Variants in WRNIP1 observed in about 807,000 individuals in gnomAD.
WRNIP1 encodes WRN helicase interacting protein 1, also known as ATPase WRNIP1.
Under a neutral mutation model 56.1 loss-of-function variants are expected in WRNIP1, and 41 were observed. The observed-to-expected ratio is 0.73, with a 90% CI of 0.57 to 0.95. WRNIP1 has a LOEUF of 0.95. WRNIP1 is among the 40% of genes least tolerant of loss of function. The pLI is 0.00. For synonymous variants in WRNIP1, 547 were observed against 398.1 expected (o/e 1.37, Z -4.45); for missense variants, 1,170 against 939.4 (o/e 1.25, Z -3.21).
rs376311350 is a variant in WRNIP1, at chr6:2,776,105, T to A, written c.1257-3158T>A. On this transcript the variant is annotated intron_variant, in intron 3 of 6. Transcript: ENST00000380773. ...TTTGTGCCGCAGTTTGCTGAGGGAT[T>A]TTGCCAATATCAATACAACTATCCC... 1.1e-4 allele frequency among the ~76,000 whole-genome samples: 17 copies of A among 152,314 alleles called. 1 individual carries two copies. In the South Asian group the frequency reaches 3.3e-3, roughly 30 times the overall value.
intron 6 of WRNIP1, 76 bp downstream of exon 6, chr6:2,784,479 A>G (rs1419918701): frequency 6.8e-7 from 1 of 1,460,414 alleles, no homozygotes; most frequent in African/African-American, 1.4e-5. Flanking sequence ...ATTTGAATAA[A>G]TGTCCCTCCT....
In WRNIP1 at chr6:2,779,248, C is replaced by T; in HGVS notation, c.1257-15C>T. On this transcript the variant is annotated splice_polypyrimidine_tract_variant and intron_variant, in intron 3 of 6. Transcript: ENST00000380773. ...AGCCTGAGTGTGACCGTAACTAACCCTGCTTGTGTTTCAGGCCCGCCATGT... is the reference window on the plus strand; with the variant it reads ...AGCCTGAGTGTGACCGTAACTAACCTTGCTTGTGTTTCAGGCCCGCCATGT... 6.2e-7 allele frequency: 1 copy of T among 1,613,466 alleles called. No individual in the cohort carries two copies. Among genetic ancestry groups the T allele is most frequent in the Non-Finnish European group, 8.5e-7 (1 of 1,179,516 alleles).
At position 2,770,218 on chromosome 6, in the gene WRNIP1, C is replaced by T; in HGVS notation, c.1113C>T (p.Arg371=). 6.2e-7 allele frequency: 1 copy of T among 1,614,226 alleles called. No homozygotes were observed. The highest frequency in any genetic ancestry group is 8.5e-7 in the Non-Finnish European group (1 of 1,180,038). The change falls in exon 3 of 7, where the codon CGC becomes CGT. Residue 371 remains arginine, a synonymous_variant. Transcript: ENST00000380773. ...AGGTCAACGCTGCTCTTCTGAGCCG[C>T]TGTCGAGTGATTGTTCTTGAGAAGC... ...SFQVNAALLS[R]CRVIVLEKLP... is the part of the protein sequence containing the mutation.
At position 2,765,936 on chromosome 6, in the gene WRNIP1, C is replaced by T. The variant is rs1194294778; in HGVS notation, c.314C>T (p.Thr105Ile). The T allele has an allele frequency of 6.2e-6, 9 of 1,448,938 alleles. No individual in the cohort carries two copies. The South Asian group carries it at 1.1e-4, about 17-fold the overall frequency. 89.8% of individuals were successfully genotyped at this position (1,448,938 alleles called of 1,614,324 possible). Residue 105 changes from threonine to isoleucine, a missense_variant, in exon 1 of 7, where the codon ACC becomes ATC. Thr to Ile is a moderately conservative substitution (Grantham distance 89, BLOSUM62 -1). Coordinates refer to ENST00000380773, the MANE Select transcript of WRNIP1 (RefSeq NM_020135.3). Reference sequence around the variant, plus strand: ...GAGGAGGGCGACGACGGCGGCGAGACCGAGAGCCGCGAGAGCTACGACGCG... The same window carrying T: ...GAGGAGGGCGACGACGGCGGCGAGATCGAGAGCCGCGAGAGCTACGACGCG... ...EGEEGDDGGETESRESYDAPP... is the reference protein window; with the variant it reads ...EGEEGDDGGEIESRESYDAPP...
chr6:2,786,822 G>A lies in WRNIP1; in HGVS notation c.*1540G>A, dbSNP rs944256977. Reference sequence around the variant, plus strand: ...TGTCTTTGCTCCCCGTGTTTTAAAAGTCTGCACTGGGTACTTGTTGGGCCT... The same window carrying A: ...TGTCTTTGCTCCCCGTGTTTTAAAAATCTGCACTGGGTACTTGTTGGGCCT... On this transcript the variant is annotated 3_prime_UTR_variant, in exon 7 of 7. Coordinates refer to ENST00000380773, the MANE Select transcript of WRNIP1 (RefSeq NM_020135.3). The A allele has an allele frequency of 6.6e-6, 1 of 152,166 alleles. No individual in the cohort carries two copies. Among genetic ancestry groups the A allele is most frequent in the Non-Finnish European group, 1.5e-5 (1 of 68,038 alleles). The allele number at this position is 152,166 out of a possible 1,614,324, so 9.4% of individuals were successfully genotyped here. A position where few individuals can be genotyped will look rare whatever the true frequency, so the allele number is the denominator to read the frequency against.
chr6:2,773,525 T>C (rs1315489892), intron 3 of WRNIP1: 3 of 985,318 alleles, frequency 3.0e-6, no homozygotes, highest in Non-Finnish European at 2.4e-6. Flanking sequence ...TAAGCAGTAG[T>C]GTTCAGGTAT....
chr6:2,774,707 G>A (rs1303874525), intron 3 of WRNIP1, among the ~76,000 whole-genome samples: 1 of 152,164 alleles, frequency 6.6e-6, no homozygotes, highest in African/African-American at 2.4e-5. Flanking sequence ...AATGTAATTT[G>A]GAAAGACATG....
rs749465880 is a variant in WRNIP1, at chr6:2,784,326, C to G, written c.1645C>G (p.Leu549Val). ...LVRFASEDIG[L>V]ADPSALTQAV... ...TCCTTTGTCTCTGTGTGTGGCAGGT[C>G]TGGCAGACCCGTCTGCGTTAACACA... The change falls in exon 6 of 7, where the codon CTG becomes GTG. Residue 549 changes from leucine to valine, a missense_variant and splice_region_variant. Leu to Val is a conservative substitution (Grantham distance 32). Coordinates refer to ENST00000380773, the MANE Select transcript of WRNIP1 (RefSeq NM_020135.3). 2 of 1,613,276 alleles carry G rather than the reference C, an allele frequency of 1.2e-6. No individual in the cohort carries two copies. The highest frequency in any genetic ancestry group is 1.7e-6 in the Non-Finnish European group (2 of 1,179,404).
chr6:2,772,567 A>C (rs1411166742), intron 3 of WRNIP1, among the ~76,000 whole-genome samples: 1 of 152,264 alleles, frequency 6.6e-6, no homozygotes, highest in Non-Finnish European at 1.5e-5. Flanking sequence ...CCAGGTATCA[A>C]GAGCCTTTTT....
chr6:2,781,063 C>A (rs909827836), intron 4 of WRNIP1, among the ~76,000 whole-genome samples: 1 of 152,238 alleles, frequency 6.6e-6, no homozygotes, highest in Non-Finnish European at 1.5e-5. Flanking sequence ...GTCCTTCCCC[C>A]CGTCCGCATT....
Position 2,786,319 on chromosome 6 carries a change from T to C in WRNIP1, c.*1037T>C, listed in dbSNP as rs1390429690. 2.0e-5 allele frequency: 3 copies of C among 152,336 alleles called. No homozygotes were observed. Among genetic ancestry groups the C allele is most frequent in the Non-Finnish European group, 4.4e-5 (3 of 68,118 alleles). 9.4% of individuals were successfully genotyped at this position (152,336 alleles called of 1,614,324 possible). On this transcript the variant is annotated 3_prime_UTR_variant, in exon 7 of 7. Transcript: ENST00000380773. Reference sequence around the variant, plus strand: ...TTCTGGATGCTCCATCCCGCCTTACTGGTTTATTCCGCTATTTCAGTGCAA... The same window carrying C: ...TTCTGGATGCTCCATCCCGCCTTACCGGTTTATTCCGCTATTTCAGTGCAA...
At position 2,773,887 on chromosome 6, in the gene WRNIP1, G is replaced by A. The variant is rs984749917; in HGVS notation, c.1256+3526G>A. The A allele has an allele frequency of 8.1e-5, 80 of 985,186 alleles. No individual in the cohort carries two copies. The African/African-American group carries it at 1.3e-3, about 16-fold the overall frequency. 61.0% of individuals were successfully genotyped at this position (985,186 alleles called of 1,614,324 possible). A position where few individuals can be genotyped will look rare whatever the true frequency, so the allele number is the denominator to read the frequency against. ...TAGGCTGAGTTCCGAGAGGTGGTTG[G>A]AAGACAGAAAGTGGCGTCTGTCCCT... is the stretch of plus-strand genomic sequence containing the variant. On this transcript the variant is annotated intron_variant, in intron 3 of 6. Transcript: ENST00000380773.
intron 4 of WRNIP1, among the ~76,000 whole-genome samples, chr6:2,781,221 G>T (rs1158437828): frequency 6.6e-6 from 1 of 152,242 alleles, no homozygotes; most frequent in Non-Finnish European, 1.5e-5. Flanking sequence ...ACGTTGCAGA[G>T]CTCTGCACAG....
chr6:2,767,649 A>T (rs996590718), intron 1 of WRNIP1, among the ~76,000 whole-genome samples: 1 of 152,238 alleles, frequency 6.6e-6, no homozygotes, highest in East Asian at 1.9e-4. Context: ...ATTGAGCAGT[A>T]TCATTCTTAG....
At chr6:2,776,121 C>T (rs959341337) in intron 3 of WRNIP1, among the ~76,000 whole-genome samples, 1 of 152,208 alleles carries the variant, frequency 6.6e-6, no homozygotes, top group African/African-American at 2.4e-5. Context: ...AATATCAATA[C>T]AACTATCCCT....
rs1465085642 is a variant in WRNIP1, at chr6:2,765,622, C to T, written c.-1C>T. The T allele has an allele frequency of 2.6e-6, 4 of 1,528,754 alleles. No homozygotes were observed. Among genetic ancestry groups the T allele is most frequent in the African/African-American group, 2.9e-5 (2 of 69,674 alleles). The allele number at this position is 1,528,754 out of a possible 1,614,324, so 94.7% of individuals were successfully genotyped here. Reference sequence around the variant, plus strand: ...GGGCGCCGGGGAGGGCGGCGGCCGCCATGGAGGTGAGCGGGCCGGAAGACG... The same window carrying T: ...GGGCGCCGGGGAGGGCGGCGGCCGCTATGGAGGTGAGCGGGCCGGAAGACG... On this transcript the variant is annotated 5_prime_UTR_variant, in exon 1 of 7. Coordinates refer to ENST00000380773, the MANE Select transcript of WRNIP1 (RefSeq NM_020135.3).
At chr6:2,774,198 A>G in intron 3 of WRNIP1, 1 of 985,446 alleles carries the variant, frequency 1.0e-6, no homozygotes, top group Non-Finnish European at 1.2e-6. Context: ...TAGCTGTTTT[A>G]ATACAAGGGT....
rs962991053 is a variant in WRNIP1, at chr6:2,765,740, C to T, written c.118C>T (p.Leu40=). The change falls in exon 1 of 7, where the codon CTG becomes TTG. Residue 40 remains leucine (L), a synonymous_variant. Coordinates refer to ENST00000380773, the MANE Select transcript of WRNIP1 (RefSeq NM_020135.3). ...AHINSHLDRC[L]LLHPAGHAEP... is the part of the protein sequence containing the mutation. ...CATCAACTCGCACCTGGACCGCTGT[C>T]TGCTGCTCCACCCGGCGGGGCACGC... is the stretch of plus-strand genomic sequence containing the variant. 33 of 1,516,144 alleles carry T rather than the reference C, an allele frequency of 2.2e-5. No individual in the cohort carries two copies. The highest frequency in any genetic ancestry group is 2.8e-5 in the Non-Finnish European group (32 of 1,139,396). The allele number at this position is 1,516,144 out of a possible 1,614,324, so 93.9% of individuals were successfully genotyped here. A position where few individuals can be genotyped will look rare whatever the true frequency, so the allele number is the denominator to read the frequency against.
chr6:2,784,193 G>A, intron 5 of WRNIP1, 131 bp from the exon 6 acceptor site: 1 of 694,806 alleles, frequency 1.4e-6, no homozygotes. Flanking sequence ...GCTAAGTCAG[G>A]CTGTTTTGCT....
Sources: allele counts gnomAD v4.1 joint callset (sites outside exome capture counted in the v4.1 genomes callset), GRCh38; gene constraint gnomAD v4.1.1; transcripts MANE v1.5; gene names NCBI Gene and HGNC (gene_info 2026-07-23, HGNC 2026-07-21).